DNM3: variants seen among roughly 807,000 people sequenced by gnomAD.
The protein encoded by DNM3 is dynamin 3.
DNM3 carries 47 observed loss-of-function variants against 101.6 expected under a neutral mutation model. The ratio of observed to expected loss-of-function variants is 0.46; its 90% CI spans 0.37 to 0.59. The LOEUF (loss-of-function observed/expected upper bound fraction) is 0.59, where lower values mean the gene tolerates loss of function less well. DNM3 is among the 20% of genes least tolerant of loss of function. The pLI is 0.00. For missense variants in DNM3, 849 were observed against 1,085.7 expected, an observed-to-expected ratio of 0.78 and a Z score of 3.06; for synonymous variants, 385 against 387.9, an observed-to-expected ratio of 0.99 and a Z score of 0.09.
chr1:171,958,757 G>A (rs1360574990), intron 2 of DNM3, among the ~76,000 whole-genome samples: 1 of 152,058 alleles, frequency 6.6e-6, no homozygotes, highest in Non-Finnish European at 1.5e-5. Flanking sequence ...ATTTGGGGAG[G>A]GGGAGATCAA....
At chr1:172,032,346 C>A in intron 4 of DNM3, 56 bp from the exon 5 acceptor site, 2 of 1,269,412 alleles carry the variant, frequency 1.6e-6, no homozygotes, top group South Asian at 1.2e-5. Context: ...ACATATATGT[C>A]TAAAATTTGT....
chr1:172,366,078 T>A (rs2068001612), intron 17 of DNM3, among the ~76,000 whole-genome samples: 1 of 151,662 alleles, frequency 6.6e-6, no homozygotes, highest in Admixed American at 6.6e-5. Flanking sequence ...AACATTTTTT[T>A]AATTAATTAG....
At chr1:171,926,745 G>A (rs1187638772) in intron 2 of DNM3, among the ~76,000 whole-genome samples, 1 of 151,812 alleles carries the variant, frequency 6.6e-6, no homozygotes. Context: ...GTTTTATCCC[G>A]GGAATGTAAG....
chr1:172,271,949 G>A (rs2063104714), intron 15 of DNM3, among the ~76,000 whole-genome samples: 1 of 152,156 alleles, frequency 6.6e-6, no homozygotes, highest in Non-Finnish European at 1.5e-5. Context: ...TGATAGATAT[G>A]AGTTTTCCAA....
At chr1:172,046,474 G>A (rs535813217) in intron 9 of DNM3, among the ~76,000 whole-genome samples, 4 of 151,952 alleles carry the variant, frequency 2.6e-5, no homozygotes, top group African/African-American at 4.8e-5. Context: ...GTTAATGGGT[G>A]CAGCACACCA....
At chr1:172,100,917 T>C (rs1203583605) in intron 13 of DNM3, among the ~76,000 whole-genome samples, 1 of 152,208 alleles carries the variant, frequency 6.6e-6, no homozygotes, top group Non-Finnish European at 1.5e-5. Context: ...AGAGTCTTTC[T>C]CCCAGGATTT....
chr1:172,262,409 G>A (rs1341999765), intron 15 of DNM3, among the ~76,000 whole-genome samples: 1 of 152,140 alleles, frequency 6.6e-6, no homozygotes, highest in South Asian at 2.1e-4. Context: ...GTGCCTTCAT[G>A]TGGTCTCCAG....
chr1:172,270,638 A>C (rs1183898397), intron 15 of DNM3, among the ~76,000 whole-genome samples: 1 of 152,228 alleles, frequency 6.6e-6, no homozygotes, highest in Non-Finnish European at 1.5e-5. Flanking sequence ...ACACAGCCTC[A>C]GCAAAGGGAA....
chr1:171,942,201 AT>A (rs71561599), intron 2 of DNM3, among the ~76,000 whole-genome samples: 3,102 of 103,532 alleles, frequency 0.03, 85 homozygotes, highest in African/African-American at 0.1. Flanking sequence ...TGCTCACTTG[AT>A]TTTTTTTTTT....
intron 1 of DNM3, among the ~76,000 whole-genome samples, chr1:171,876,581 C>T (rs950364390): frequency 3.9e-5 from 6 of 152,158 alleles, no homozygotes; most frequent in Admixed American, 3.3e-4. Flanking sequence ...GTGTCTTTTC[C>T]TTCTTCCAGG....
At chr1:171,875,439 T>G (rs376146672) in intron 1 of DNM3, among the ~76,000 whole-genome samples, 29 of 152,362 alleles carry the variant, frequency 1.9e-4, no homozygotes, top group Admixed American at 1.0e-3. Flanking sequence ...TTGTACCTTT[T>G]TTTCTTTGTC....
At chr1:172,230,323 T>C (rs1421639899) in intron 14 of DNM3, among the ~76,000 whole-genome samples, 1 of 152,194 alleles carries the variant, frequency 6.6e-6, no homozygotes, top group African/African-American at 2.4e-5. Flanking sequence ...GTCTTCCTCA[T>C]CTCAGCATTT....
intron 17 of DNM3, among the ~76,000 whole-genome samples, chr1:172,323,719 C>A (rs1166604180): frequency 3.3e-5 from 5 of 152,102 alleles, no homozygotes; most frequent in African/African-American, 1.2e-4. Context: ...AAAATCAAAC[C>A]TCTTATGTTA....
At chr1:172,032,831 A>G (rs1038836657) in intron 5 of DNM3, among the ~76,000 whole-genome samples, 6 of 152,104 alleles carry the variant, frequency 3.9e-5, no homozygotes, top group Admixed American at 1.3e-4. Context: ...CTTGCCTGCT[A>G]TATGACAAAA....
chr1:172,043,707 A>G (rs2049564611), intron 8 of DNM3, among the ~76,000 whole-genome samples: 1 of 152,102 alleles, frequency 6.6e-6, no homozygotes, highest in African/African-American at 2.4e-5. Context: ...TCGTCATTCT[A>G]GGGCATAAGC....
intron 15 of DNM3, among the ~76,000 whole-genome samples, chr1:172,287,016 C>A (rs571540918): frequency 6.6e-6 from 1 of 152,178 alleles, no homozygotes; most frequent in African/African-American, 2.4e-5. Context: ...CTGTGTCCTG[C>A]AGGCACGTCT....
chr1:172,377,361 A>C (rs1455541532), intron 17 of DNM3, among the ~76,000 whole-genome samples: 1 of 151,822 alleles, frequency 6.6e-6, no homozygotes, highest in Non-Finnish European at 1.5e-5. Context: ...GGGAAGTGGT[A>C]GTAGGTTTAT....
chr1:172,073,209 A>G (rs547749209), intron 11 of DNM3, among the ~76,000 whole-genome samples: 7 of 152,066 alleles, frequency 4.6e-5, no homozygotes, highest in Non-Finnish European at 8.8e-5. Flanking sequence ...ACATGTACAT[A>G]TATGTATGTA....
intron 17 of DNM3, among the ~76,000 whole-genome samples, chr1:172,371,499 G>T (rs1374294732): frequency 6.6e-6 from 1 of 151,870 alleles, no homozygotes; most frequent in Non-Finnish European, 1.5e-5. Flanking sequence ...AATAAAAATG[G>T]TTCACTTTTT....
Sources: gnomAD v4.1 joint callset for allele counts (sites outside exome capture counted in the v4.1 genomes callset) on GRCh38, gnomAD v4.1.1 for gene constraint, MANE v1.5 for transcripts, NCBI Gene and HGNC (gene_info 2026-07-23, HGNC 2026-07-21) for gene names.